RB1CC1: variants seen among roughly 807,000 people sequenced by gnomAD.
The protein encoded by RB1CC1 is RB1 inducible coiled-coil 1.
In RB1CC1, 46 loss-of-function variants were observed where a neutral mutation model predicts 177.5. The observed-to-expected ratio is 0.26, with a 90% confidence interval of 0.20 to 0.33. The LOEUF (loss-of-function observed/expected upper bound fraction) is 0.33. Among genes scored for constraint, RB1CC1 ranks in the 10% least tolerant of loss-of-function variants. The pLI is 1.00. For missense variants in RB1CC1, 1,703 were observed against 1,816.3 expected (o/e 0.94, Z 1.13); for synonymous variants, 666 against 613.6 (o/e 1.09, Z -1.26).
At chr8:52,680,970 G>GTGTA (rs1853646110) in intron 5 of RB1CC1, among the ~76,000 whole-genome samples, 2 of 113,586 alleles carry the variant, frequency 1.8e-5, no homozygotes, top group Non-Finnish European at 3.4e-5. Context: ...GTGGGGTTTT[G>GTGTA]TGTGTGTGTG....
At chr8:52,711,394 T>C (rs547882659) in intron 1 of RB1CC1, among the ~76,000 whole-genome samples, 1 of 152,350 alleles carries the variant, frequency 6.6e-6, no homozygotes, top group East Asian at 1.9e-4. Flanking sequence ...CTTTTATCTA[T>C]GTGAGTTAAG....
chr8:52,658,893 C>G lies in RB1CC1; in HGVS notation c.1773G>C (p.Ser591=), dbSNP rs187858160. ...DLQFLQSFCP[S]EVQPFLRVPL... is the part of the protein sequence containing the mutation. ...TTTACCTGAGGAATGGCTGAACTTC[C>G]GAAGGACAAAATGATTGCAGAAACT... The change falls in exon 13 of 24, where the codon TCG becomes TCC. Residue 591 remains serine (S), a synonymous_variant. Transcript: ENST00000025008. 1 of 1,579,100 alleles carries G rather than the reference C, an allele frequency of 6.3e-7. No homozygotes were observed. Among genetic ancestry groups the G allele is most frequent in the Non-Finnish European group, 8.6e-7 (1 of 1,164,448 alleles).
At chr8:52,642,672 A>C in intron 17 of RB1CC1, 32 bp downstream of exon 17, 1 of 1,571,574 alleles carries the variant, frequency 6.4e-7, no homozygotes, top group Non-Finnish European at 8.6e-7. Context: ...CACTTTAAAA[A>C]ATTAAAAAAA....
In RB1CC1 at chr8:52,656,950, TCTAACA is replaced by T. The variant is rs1347492028; in HGVS notation, c.2873_2878del (p.Val958_Leu959del). The T allele has an allele frequency of 6.2e-7, 1 of 1,613,550 alleles. No homozygotes were observed. Among genetic ancestry groups the T allele is most frequent in the Non-Finnish European group, 8.5e-7 (1 of 1,179,930 alleles). The stretch of plus-strand genomic sequence containing the variant: ...TTCAACATGGAGCTTTTTTAAGTCT[TCTAACA>T]CTATTTCTCGTGACTGCTTCAGTTC... On this transcript the variant is annotated inframe_deletion, in exon 15 of 24. Coordinates refer to ENST00000025008, the MANE Select transcript of RB1CC1 (RefSeq NM_014781.5).
At chr8:52,682,890 A>G (rs1009288413) in intron 5 of RB1CC1, among the ~76,000 whole-genome samples, 2 of 152,174 alleles carry the variant, frequency 1.3e-5, no homozygotes, top group Non-Finnish European at 2.9e-5. Context: ...ACAAATGTAT[A>G]TACTGCTTAA....
At chr8:52,708,848 C>T (rs1300957831) in intron 1 of RB1CC1, among the ~76,000 whole-genome samples, 1 of 152,168 alleles carries the variant, frequency 6.6e-6, no homozygotes, top group Non-Finnish European at 1.5e-5. Context: ...CGTGACCCCT[C>T]AATGAGGGAG....
In RB1CC1 at chr8:52,654,972, T is replaced by C. The variant is rs75164059; in HGVS notation, c.3821+1036A>G. Among the ~76,000 whole-genome samples, 115 of 152,328 alleles carry C rather than the reference T, an allele frequency of 7.5e-4. 1 individual carries two copies. Among genetic ancestry groups the C allele is most frequent in the African/African-American group, 2.7e-3 (113 of 41,584 alleles). On this transcript the variant is annotated intron_variant, in intron 15 of 23. Coordinates refer to ENST00000025008, the MANE Select transcript of RB1CC1 (RefSeq NM_014781.5). ...GTTCTATAATGAGGTCTATTTTCCA[T>C]ACTGCAATAGTGTCTGAATATAATC... is the stretch of plus-strand genomic sequence containing the variant.
chr8:52,708,576 G>A (rs896660061), intron 1 of RB1CC1, among the ~76,000 whole-genome samples: 2 of 152,080 alleles, frequency 1.3e-5, no homozygotes, highest in Admixed American at 1.3e-4. Context: ...CCACTTCTGG[G>A]AAGTCTTCCC....
At chr8:52,712,403 G>A (rs1200584747) in intron 1 of RB1CC1, among the ~76,000 whole-genome samples, 2 of 143,400 alleles carry the variant, frequency 1.4e-5, no homozygotes, top group Non-Finnish European at 3.0e-5. Flanking sequence ...TCAAAATTTC[G>A]AAAACAAAAG....
Position 52,656,908 on chromosome 8 carries a change from T to A in RB1CC1, c.2921A>T (p.Gln974Leu). 1 of 1,613,296 alleles carries A rather than the reference T, an allele frequency of 6.2e-7. No individual in the cohort carries two copies. The highest frequency in any genetic ancestry group is 1.1e-5 in the South Asian group (1 of 91,064). The change falls in exon 15 of 24, where the codon CAG (glutamine) becomes CTG (leucine). Residue 974 changes from glutamine (Q) to leucine (L), a missense_variant. This residue lies in a region of RB1CC1 where 1,169 missense variants were observed against 1,184.7 expected (regional missense o/e 0.99). Transcript: ENST00000025008. Reference sequence around the variant, plus strand: ...GGACTGAAGTTCTGCCCTCAATAACTGTAACTTCTCATCATTTTCAACATG... The same window carrying A: ...GGACTGAAGTTCTGCCCTCAATAACAGTAACTTCTCATCATTTTCAACATG... Reference protein sequence around the residue: ...KLHVENDEKLQLLRAELQSLE... With the variant: ...KLHVENDEKLLLLRAELQSLE...
intron 1 of RB1CC1, among the ~76,000 whole-genome samples, chr8:52,707,432 C>CTTTTTTTTTTTTTT (rs386412758): frequency 1.6e-5 from 2 of 128,848 alleles, no homozygotes; most frequent in Non-Finnish European, 3.2e-5. Flanking sequence ...TTCTTTCTTT[C>CTTTTTTTTTTTTTT]TTTTTTTTTT....
intron 1 of RB1CC1, among the ~76,000 whole-genome samples, chr8:52,696,229 A>G (rs189671867): frequency 6.6e-6 from 1 of 151,894 alleles, no homozygotes; most frequent in Non-Finnish European, 1.5e-5. Context: ...ATTTTCAGAG[A>G]GACAGAGTTT....
chr8:52,705,085 T>C (rs1459579479), intron 1 of RB1CC1, among the ~76,000 whole-genome samples: 1 of 152,186 alleles, frequency 6.6e-6, no homozygotes, highest in Admixed American at 6.5e-5. Context: ...GCCTACCATA[T>C]ATACTGAGAC....
intron 20 of RB1CC1, among the ~76,000 whole-genome samples, chr8:52,633,006 C>T (rs1324402266): frequency 6.6e-6 from 1 of 152,160 alleles, no homozygotes; most frequent in Non-Finnish European, 1.5e-5. Flanking sequence ...AAAGGCTAAT[C>T]ACAGTTTCAA....
At chr8:52,684,323 A>G (rs1854043109) in intron 3 of RB1CC1, among the ~76,000 whole-genome samples, 1 of 152,226 alleles carries the variant, frequency 6.6e-6, no homozygotes, top group African/African-American at 2.4e-5. Flanking sequence ...AACACATGTG[A>G]AGATTCCTTC....
At chr8:52,695,517 C>T (rs1591114961) in intron 1 of RB1CC1, among the ~76,000 whole-genome samples, 1 of 152,162 alleles carries the variant, frequency 6.6e-6, no homozygotes, top group Non-Finnish European at 1.5e-5. Flanking sequence ...TTCTGACCTC[C>T]AGAGGAACTA....
intron 1 of RB1CC1, among the ~76,000 whole-genome samples, chr8:52,711,591 TAA>T (rs1209609211): frequency 1.3e-5 from 2 of 152,232 alleles, no homozygotes; most frequent in Non-Finnish European, 2.9e-5. Flanking sequence ...TTGCTGAAGC[TAA>T]AAGAGTATGC....
rs767383207 is a variant in RB1CC1 at position 52,624,802 on chromosome 8, T to C, written c.4637-15A>G. On this transcript the variant is annotated splice_polypyrimidine_tract_variant and intron_variant, in intron 22 of 23. Coordinates refer to ENST00000025008, the MANE Select transcript of RB1CC1 (RefSeq NM_014781.5). ...TGCACCTGAAGCTAATGAAATTAAA[T>C]AGTTAATCTCTTTTTGAAAGTATGA... 1.4e-6 allele frequency: 2 copies of C among 1,470,030 alleles called. No homozygotes were observed. Among genetic ancestry groups the C allele is most frequent in the Non-Finnish European group, 1.8e-6 (2 of 1,087,192 alleles). 91.1% of individuals were successfully genotyped at this position (1,470,030 alleles called of 1,614,324 possible). A position where few individuals can be genotyped will look rare whatever the true frequency, so the allele number is the denominator to read the frequency against.
In RB1CC1 at chr8:52,683,627, G is replaced by A; in HGVS notation, c.291C>T (p.Asp97=). 6.2e-7 allele frequency: 1 copy of A among 1,612,644 alleles called. No homozygotes were observed. Residue 97 remains aspartate, a synonymous_variant, in exon 5 of 24, where the codon GAC becomes GAT. Transcript: ENST00000025008. The part of the protein sequence containing the change: ...IPKTTFSTEN[D]MEIKVEESLM... ...GAGATTCTTCAACTTTTATTTCCAT[G>A]TCATTTTCTGTCGAAAAGGTAGTTT... is the stretch of plus-strand genomic sequence containing the variant.
Sources: gnomAD v4.1 joint callset for allele counts (sites outside exome capture counted in the v4.1 genomes callset) on GRCh38, gnomAD v4.1.1 for gene constraint, gnomAD v4.1.1 regional missense constraint, MANE v1.5 for transcripts, NCBI Gene and HGNC (gene_info 2026-07-23, HGNC 2026-07-21) for gene names.